Variants in CLIP1 observed in about 807,000 individuals in gnomAD.
The protein encoded by CLIP1 is CAP-Gly domain-containing linker protein 1.
CLIP1 carries 66 observed loss-of-function variants against 161.6 expected under a neutral mutation model. The ratio of observed to expected loss-of-function variants is 0.41; its 90% confidence interval spans 0.33 to 0.50. The LOEUF is 0.50. Among genes scored for constraint, CLIP1 ranks in the 20% least tolerant of loss-of-function variants. CLIP1 has a pLI of 0.27. For synonymous variants in CLIP1, 598 were observed against 626.2 expected (o/e 0.96, Z 0.67); for missense variants, 1,376 against 1,702.0 (o/e 0.81, Z 3.37).
chr12:122,293,792 T>TTTTTTTTG (rs1555257584), intron 20 of CLIP1, among the ~76,000 whole-genome samples: 19 of 136,772 alleles, frequency 1.4e-4, no homozygotes, highest in African/African-American at 5.9e-4. Flanking sequence ...AATTTGTTTT[T>TTTTTTTTG]TTTTTTGTTT....
chr12:122,398,942 C>CAAAAAAAAAAA (rs34091651), intron 1 of CLIP1, among the ~76,000 whole-genome samples: 1 of 105,792 alleles, frequency 9.5e-6, no homozygotes, highest in Non-Finnish European at 1.8e-5. Context: ...ACCAGATATC[C>CAAAAAAAAAAA]AAAAAAAAAA....
In CLIP1 at chr12:122,407,748, CAAAAAAAAA is replaced by C. The variant is rs35500806; in HGVS notation, c.-107+14764_-107+14772del. 9.1e-4 allele frequency among the ~76,000 whole-genome samples: 35 copies of C among 38,338 alleles called. 1 individual carries two copies. The highest frequency in any genetic ancestry group is 6.7e-3 in the South Asian group (4 of 598). The allele number at this position is 38,338 out of a possible 152,430, so 25.2% of individuals were successfully genotyped here. A position where few individuals can be genotyped will look rare whatever the true frequency, so the allele number is the denominator to read the frequency against. ...GAGGGTTTTTGGTGAGACCCTGTCT[CAAAAAAAAA>C]AAAAAAAAAAAAAAAAGAATTGATT... is the stretch of plus-strand genomic sequence containing the variant. On this transcript the variant is annotated intron_variant, in intron 1 of 25. Coordinates refer to ENST00000620786, the MANE Select transcript of CLIP1 (RefSeq NM_001247997.2).
Position 122,355,094 on chromosome 12 carries a change from G to C in CLIP1, c.1203+21C>G, listed in dbSNP as rs766359686. The C allele has an allele frequency of 1.2e-6, 2 of 1,609,576 alleles. No homozygotes were observed. The highest frequency in any genetic ancestry group is 1.7e-6 in the Non-Finnish European group (2 of 1,176,940). ...GGCTTTAGAAACCATCACCATCTCC[G>C]CAACAAGGTCCAGACTTCACCTGGT... On this transcript the variant is annotated intron_variant, in intron 6 of 25. Coordinates refer to ENST00000620786, the MANE Select transcript of CLIP1 (RefSeq NM_001247997.2). This position sits in a 1 kb window ranked among gnomAD's most constrained non-coding sequence, Gnocchi z 4.1.
At chr12:122,302,755 C>T (rs1443399325) in intron 20 of CLIP1, among the ~76,000 whole-genome samples, 1 of 151,948 alleles carries the variant, frequency 6.6e-6, no homozygotes, top group Non-Finnish European at 1.5e-5. Flanking sequence ...CACCACCACG[C>T]CTGGCTAATT....
intron 1 of CLIP1, among the ~76,000 whole-genome samples, chr12:122,401,485 G>A (rs753601054): frequency 8.6e-5 from 13 of 152,010 alleles, no homozygotes; most frequent in Admixed American, 2.0e-4. Context: ...GACCAAAACG[G>A]CGAAGCCCCA....
chr12:122,352,818 G>A (rs759035628), intron 7 of CLIP1, 32 bp from the exon 8 acceptor site: 1 of 1,565,160 alleles, frequency 6.4e-7, no homozygotes, highest in South Asian at 1.1e-5. Flanking sequence ...AAACACTTAA[G>A]AAACTAAGTA....
At chr12:122,288,664 A>ATGAAGAGGGACAAGTGG (rs1476044543) in intron 20 of CLIP1, 123 bp from the exon 21 acceptor site, 1 of 719,054 alleles carries the variant, frequency 1.4e-6, no homozygotes, top group Non-Finnish European at 2.3e-6. Context: ...CTCAACAGCA[A>ATGAAGAGGGACAAGTGG]TGAAGAGGGA....
intron 2 of CLIP1, among the ~76,000 whole-genome samples, chr12:122,378,677 T>C (rs1288912644): frequency 6.6e-6 from 1 of 152,084 alleles, no homozygotes; most frequent in African/African-American, 2.4e-5. Flanking sequence ...ACTCCACAAT[T>C]GAGTAGTCAA....
intron 1 of CLIP1, among the ~76,000 whole-genome samples, chr12:122,387,298 C>T (rs780847206): frequency 6.6e-6 from 1 of 152,014 alleles, no homozygotes; most frequent in Non-Finnish European, 1.5e-5. Context: ...CATAATAATA[C>T]TAAGACATCA....
intron 5 of CLIP1, among the ~76,000 whole-genome samples, chr12:122,359,080 TAAAAAC>T (rs927773997): frequency 8.5e-5 from 13 of 152,084 alleles, no homozygotes; most frequent in African/African-American, 3.1e-4. Context: ...AAAATAAAAA[TAAAAAC>T]AAATAAAGAA....
At chr12:122,337,115 A>G (rs1410127817) in intron 11 of CLIP1, among the ~76,000 whole-genome samples, 1 of 151,880 alleles carries the variant, frequency 6.6e-6, no homozygotes, top group Non-Finnish European at 1.5e-5. Flanking sequence ...GATTACAGGC[A>G]CGTGCCACTA....
In CLIP1 at chr12:122,377,623, G is replaced by A. The variant is rs1209770307; in HGVS notation, c.423C>T (p.Pro141=). The change falls in exon 3 of 26, where the codon CCC becomes CCT. Residue 141 remains proline (P), a synonymous_variant. Transcript: ENST00000620786. ...EDEANGLQTT[P]ASRATSPLCT... is the part of the protein sequence containing the mutation. ...ACAGCGGTGAAGTAGCTCGGGAGGC[G>A]GGCGTTGTCTGCAGGCCATTAGCTT... 5.0e-6 allele frequency: 8 copies of A among 1,613,754 alleles called. No individual in the cohort carries two copies. Among genetic ancestry groups the A allele is most frequent in the Admixed American group, 1.7e-5 (1 of 59,930 alleles).
chr12:122,404,495 A>C (rs1956250116), intron 1 of CLIP1, among the ~76,000 whole-genome samples: 1 of 152,108 alleles, frequency 6.6e-6, no homozygotes, highest in Admixed American at 6.6e-5. Context: ...GTTATTCAGG[A>C]GTCTGAGGCA....
intron 19 of CLIP1, among the ~76,000 whole-genome samples, chr12:122,315,936 T>C (rs1336116802): frequency 6.6e-6 from 1 of 151,574 alleles, no homozygotes; most frequent in Non-Finnish European, 1.5e-5. Context: ...CCACCGTGCC[T>C]GGTCTATTAC....
rs575350734 is a variant in CLIP1, at chr12:122,415,212, T to A, written c.-107+7309A>T. 9.3e-4 allele frequency among the ~76,000 whole-genome samples: 141 copies of A among 152,290 alleles called. 1 individual carries two copies. The highest frequency in any genetic ancestry group is 3.2e-3 in the African/African-American group (135 of 41,588). ...AAGATTGAAAAGTGGCTGGGCGCAG[T>A]GGCTCACGCCTGTAATCCCAGCACT... is the stretch of plus-strand genomic sequence containing the variant. On this transcript the variant is annotated intron_variant, in intron 1 of 25. Coordinates refer to ENST00000620786, the MANE Select transcript of CLIP1 (RefSeq NM_001247997.2).
intron 1 of CLIP1, among the ~76,000 whole-genome samples, chr12:122,410,857 ATATTACTAGCCACCAGG>A (rs1956502846): frequency 6.6e-6 from 1 of 152,208 alleles, no homozygotes; most frequent in Non-Finnish European, 1.5e-5. Context: ...AGGATGTTCA[ATATTACTAGCCACCAGG>A]TAAATACAAA....
chr12:122,348,191 C>T (rs1460560357), intron 9 of CLIP1, among the ~76,000 whole-genome samples: 1 of 152,138 alleles, frequency 6.6e-6, no homozygotes, highest in Non-Finnish European at 1.5e-5. Flanking sequence ...GCCATGGAAG[C>T]TCTAGTTTCC....
chr12:122,402,394 G>C (rs1231513652), intron 1 of CLIP1, among the ~76,000 whole-genome samples: 2 of 151,888 alleles, frequency 1.3e-5, no homozygotes. Context: ...GGCAGAGATG[G>C]GACGACTGCT....
In CLIP1 at chr12:122,378,696, G is replaced by A. The variant is rs189450924; in HGVS notation, c.86-736C>T. ...CACAATTGAGTAGTCAATCGAAGCT[G>A]ATAAAAACTAGGACTATTCCAGGCA... On this transcript the variant is annotated intron_variant, in intron 2 of 25. Coordinates refer to ENST00000620786, the MANE Select transcript of CLIP1 (RefSeq NM_001247997.2). 2.1e-4 allele frequency among the ~76,000 whole-genome samples: 32 copies of A among 152,196 alleles called. No homozygotes were observed. In the East Asian group the frequency reaches 5.8e-3, roughly 28 times the overall value.
Sources: gnomAD v4.1 joint callset for allele counts (sites outside exome capture counted in the v4.1 genomes callset) on GRCh38, gnomAD v4.1.1 for gene constraint, Gnocchi (gnomAD v3.1) non-coding constraint, MANE v1.5 for transcripts, NCBI Gene and HGNC (gene_info 2026-07-23, HGNC 2026-07-21) for gene names.